AUH: variants seen among roughly 807,000 people sequenced by gnomAD.
The protein encoded by AUH is AU RNA binding methylglutaconyl-CoA hydratase.
A neutral mutation model predicts 42.3 loss-of-function variants in AUH; 29 were observed. The ratio of observed to expected loss-of-function variants is 0.69; its 90% CI spans 0.51 to 0.93. The LOEUF is 0.93. AUH is among the 40% of genes least tolerant of loss of function. The pLI is 0.00. For synonymous variants in AUH, 174 were observed against 166.4 expected, an observed-to-expected ratio of 1.05 and a Z score of -0.35; for missense variants, 452 against 438.1, an observed-to-expected ratio of 1.03 and a Z score of -0.28.
chr9:91,287,850 AAG>A (rs746655824), intron 6 of AUH, among the ~76,000 whole-genome samples: 10 of 152,124 alleles, frequency 6.6e-5, no homozygotes, highest in Admixed American at 4.6e-4. Context: ...TTGATTATGT[AAG>A]AGACCATTCT....
At chr9:91,310,520 T>C (rs897529767) in intron 4 of AUH, among the ~76,000 whole-genome samples, 2 of 152,178 alleles carry the variant, frequency 1.3e-5, no homozygotes, top group African/African-American at 2.4e-5. Context: ...TACCAGATGG[T>C]AGAGAGAATC....
At chr9:91,342,564 A>G (rs1831187854) in intron 3 of AUH, among the ~76,000 whole-genome samples, 1 of 152,198 alleles carries the variant, frequency 6.6e-6, no homozygotes, top group Non-Finnish European at 1.5e-5. Context: ...AAAGGGCAAG[A>G]GTGGAAGCAG....
At chr9:91,219,138 C>G (rs1016554930) in intron 7 of AUH, among the ~76,000 whole-genome samples, 2 of 152,092 alleles carry the variant, frequency 1.3e-5, no homozygotes, top group Non-Finnish European at 2.9e-5. Context: ...CGTTCTCAGG[C>G]GGGGCGGTGT....
intron 6 of AUH, among the ~76,000 whole-genome samples, chr9:91,222,186 T>C (rs1398133108): frequency 1.3e-5 from 2 of 152,246 alleles, no homozygotes; most frequent in African/African-American, 4.8e-5. Context: ...TCCAGTATTT[T>C]TCCTTTAAAG....
chr9:91,332,972 T>C lies in AUH; in HGVS notation c.419-7568A>G, dbSNP rs118170863. Among the ~76,000 whole-genome samples, 354 of 152,278 alleles carry C rather than the reference T, an allele frequency of 2.3e-3. 4 individuals carry two copies. In the East Asian group the frequency reaches 0.041, roughly 18 times the overall value. ...TCGCTCTCTTATCAGGAAAGAACGC[T>C]GGTAAGCAGTTAAAACTACAAAAGG... On this transcript the variant is annotated intron_variant, in intron 3 of 9. Coordinates refer to ENST00000375731, the MANE Select transcript of AUH (RefSeq NM_001698.3).
chr9:91,254,158 C>A (rs752519908), intron 6 of AUH, among the ~76,000 whole-genome samples: 1 of 152,210 alleles, frequency 6.6e-6, no homozygotes, highest in Non-Finnish European at 1.5e-5. Flanking sequence ...GAAGACTGCA[C>A]ATCTGTGAAG....
chr9:91,313,659 T>C, intron 4 of AUH, among the ~76,000 whole-genome samples: 1 of 142,316 alleles, frequency 7.0e-6, no homozygotes, highest in East Asian at 2.1e-4. Flanking sequence ...GAGCCGAGAT[T>C]GCGCCACTGC....
intron 3 of AUH, among the ~76,000 whole-genome samples, chr9:91,331,127 A>G (rs1210255326): frequency 6.6e-6 from 1 of 152,124 alleles, no homozygotes; most frequent in Non-Finnish European, 1.5e-5. Flanking sequence ...CCTGCCTCCC[A>G]TGCTCTCCTC....
intron 3 of AUH, among the ~76,000 whole-genome samples, chr9:91,338,048 A>C (rs1404728232): frequency 6.6e-6 from 1 of 152,212 alleles, no homozygotes; most frequent in Non-Finnish European, 1.5e-5. Context: ...CAATTAAATA[A>C]AAAATTTCTA....
chr9:91,236,261 G>A (rs1250187641), intron 6 of AUH, among the ~76,000 whole-genome samples: 1 of 151,948 alleles, frequency 6.6e-6, no homozygotes, highest in African/African-American at 2.4e-5. Context: ...GCAGGGGTTG[G>A]GGGGATCGGG....
At chr9:91,260,665 T>C (rs1166333423) in intron 6 of AUH, among the ~76,000 whole-genome samples, 2 of 152,188 alleles carry the variant, frequency 1.3e-5, no homozygotes, top group Admixed American at 6.5e-5. Flanking sequence ...AAGTAAAAAT[T>C]AATTTTCACT....
At chr9:91,293,313 C>T (rs955304005) in intron 6 of AUH, among the ~76,000 whole-genome samples, 6 of 152,212 alleles carry the variant, frequency 3.9e-5, no homozygotes, top group African/African-American at 1.2e-4. Flanking sequence ...TGAGATCAGC[C>T]AAAAGCTAGG....
intron 6 of AUH, among the ~76,000 whole-genome samples, chr9:91,252,727 A>G (rs537973684): frequency 5.9e-5 from 9 of 152,372 alleles, no homozygotes; most frequent in Middle Eastern, 3.4e-3. Flanking sequence ...TGTGGATATA[A>G]TACATATTTT....
At chr9:91,297,424 T>G (rs988768772) in intron 5 of AUH, among the ~76,000 whole-genome samples, 1 of 152,172 alleles carries the variant, frequency 6.6e-6, no homozygotes, top group Admixed American at 6.5e-5. Flanking sequence ...TCAAGGAGAT[T>G]CAGTTATCAT....
chr9:91,238,593 G>A (rs1469292636), intron 6 of AUH, among the ~76,000 whole-genome samples: 1 of 152,184 alleles, frequency 6.6e-6, no homozygotes, highest in African/African-American at 2.4e-5. Context: ...ATGTCTTCAT[G>A]TTCATGTATC....
intron 6 of AUH, among the ~76,000 whole-genome samples, chr9:91,260,984 CTA>C (rs1829678086): frequency 6.6e-6 from 1 of 152,150 alleles, no homozygotes; most frequent in Non-Finnish European, 1.5e-5. Context: ...CATTTTACCC[CTA>C]GACATCTCAA....
chr9:91,262,307 A>T (rs1026880225), intron 6 of AUH, among the ~76,000 whole-genome samples: 1 of 152,172 alleles, frequency 6.6e-6, no homozygotes, highest in Non-Finnish European at 1.5e-5. Context: ...TCTGCTTTCT[A>T]ATAGAAATAT....
At chr9:91,237,889 C>T (rs1326489634) in intron 6 of AUH, among the ~76,000 whole-genome samples, 1 of 152,118 alleles carries the variant, frequency 6.6e-6, no homozygotes, top group Non-Finnish European at 1.5e-5. Context: ...TTTACAATAG[C>T]AATGATTTCA....
At chr9:91,290,910 C>CTATTCAT (rs1194557014) in intron 6 of AUH, among the ~76,000 whole-genome samples, 1 of 152,174 alleles carries the variant, frequency 6.6e-6, no homozygotes, top group Admixed American at 6.5e-5. Context: ...CAAAAAGTCG[C>CTATTCAT]TGTATTCATT....
Sources: gnomAD v4.1 joint callset for allele counts (sites outside exome capture counted in the v4.1 genomes callset) on GRCh38, gnomAD v4.1.1 for gene constraint, MANE v1.5 for transcripts, NCBI Gene and HGNC (gene_info 2026-07-23, HGNC 2026-07-21) for gene names.